The following SPEG variants were observed in gnomAD, a reference collection of about 807,000 sequenced individuals.
SPEG encodes the protein striated muscle preferentially expressed protein kinase.
In SPEG, 114 loss-of-function variants were observed where a neutral mutation model predicts 300.4. That is an observed-to-expected ratio of 0.38 (90% CI 0.33 to 0.44). SPEG has a LOEUF of 0.44. SPEG is among the 20% of genes least tolerant of loss of function. The pLI, the probability that SPEG is intolerant of heterozygous loss-of-function variation, is 1.00. For missense variants in SPEG, 4,201 were observed against 4,586.2 expected (o/e 0.92, Z 2.43); for synonymous variants, 1,964 against 2,018.9 (o/e 0.97, Z 0.73).
Position 219,482,858 on chromosome 2 carries a change from T to C in SPEG, c.5634+6T>C, listed in dbSNP as rs993362793. The C allele has an allele frequency of 6.2e-7, 1 of 1,613,170 alleles. No homozygotes were observed. The highest frequency in any genetic ancestry group is 1.3e-5 in the African/African-American group (1 of 74,896). ...TCTCCCGGCGGAGGTGGCAGGTAAG[T>C]GTGGCAGGCCAGCCTCTGTGCTTTC... On this transcript the variant is annotated splice_donor_region_variant and intron_variant, in intron 29 of 40. Coordinates refer to ENST00000312358, the MANE Select transcript of SPEG (RefSeq NM_005876.5).
intron 9 of SPEG, chr2:219,465,982 T>G: frequency 7.7e-7 from 1 of 1,294,014 alleles, no homozygotes; most frequent in Non-Finnish European, 1.1e-6. Flanking sequence ...TGTGTGCATG[T>G]GTGTGTGTGC....
Position 219,448,767 on chromosome 2 carries a change from T to A in SPEG, c.1609T>A (p.Ser537Thr), listed in dbSNP as rs1689512393. 1 of 1,450,186 alleles carries A rather than the reference T, an allele frequency of 6.9e-7. No individual in the cohort carries two copies. The allele number at this position is 1,450,186 out of a possible 1,614,324, so 89.8% of individuals were successfully genotyped here. The change falls in exon 4 of 41, where the codon TCT becomes ACT. Residue 537 changes from serine (S) to threonine (T), a missense_variant. Around this residue, in one of 4 missense-constraint regions of SPEG, gnomAD observed 1,258 missense variants for 1,293.9 expected, o/e 0.97. Transcript: ENST00000312358. ...PREPGEPPLF[S>T]RPSTPKTSRA... ...AGAGCCCGGCGAGCCCCCGCTCTTC[T>A]CTCGGCCCTCCACCCCCAAGACATC...
rs1277331427 is a variant in SPEG, at chr2:219,484,843, C to T, written c.7380C>T (p.Thr2460=). 5.9e-6 allele frequency: 9 copies of T among 1,518,864 alleles called. No homozygotes were observed. Among genetic ancestry groups the T allele is most frequent in the Non-Finnish European group, 7.9e-6 (9 of 1,141,278 alleles). 94.1% of individuals were successfully genotyped at this position (1,518,864 alleles called of 1,614,324 possible). Residue 2460 remains threonine (T), a synonymous_variant, in exon 30 of 41, where the codon ACC becomes ACT. Coordinates refer to ENST00000312358, the MANE Select transcript of SPEG (RefSeq NM_005876.5). The stretch of plus-strand genomic sequence containing the variant: ...CGATGCGCAGGCGGCTGAGCTTCAC[C>T]CTGGAGCGGCTGTCCAGCCGATTGC... ...VLAMRRRLSF[T]LERLSSRLQR...
Position 219,448,196 on chromosome 2 carries a change from G to A in SPEG, c.1038G>A (p.Glu346=), listed in dbSNP as rs1559369009. The A allele has an allele frequency of 6.2e-7, 1 of 1,612,306 alleles. No homozygotes were observed. The highest frequency in any genetic ancestry group is 8.5e-7 in the Non-Finnish European group (1 of 1,179,606). ...HRRTQEPVLP[E]DTTTEEKRGK... is the part of the protein sequence containing the mutation. ...GCACTCAGGAGCCTGTGCTGCCCGAGGACACCACCACCGAAGAGAAGCGAG... is the reference window on the plus strand; with the variant it reads ...GCACTCAGGAGCCTGTGCTGCCCGAAGACACCACCACCGAAGAGAAGCGAG... Residue 346 remains glutamate, a synonymous_variant, in exon 4 of 41, where the codon GAG becomes GAA. Coordinates refer to ENST00000312358, the MANE Select transcript of SPEG (RefSeq NM_005876.5).
Position 219,444,501 on chromosome 2 carries a change from G to T in SPEG, c.389-152G>T. The T allele has an allele frequency of 1.5e-6, 1 of 664,674 alleles. No homozygotes were observed. Among genetic ancestry groups the T allele is most frequent in the Non-Finnish European group, 2.7e-6 (1 of 375,538 alleles). The allele number at this position is 664,674 out of a possible 1,614,324, so 41.2% of individuals were successfully genotyped here. ...GGTTATCCTGAGCAGCCCAGGCTGG[G>T]CAGGGGATGTGGGGAGCAAAAGAGA... On this transcript the variant is annotated intron_variant, in intron 1 of 40. Coordinates refer to ENST00000312358, the MANE Select transcript of SPEG (RefSeq NM_005876.5). This position sits in a 1 kb window ranked among gnomAD's most constrained non-coding sequence, Gnocchi z 7.8.
In SPEG at chr2:219,492,930, G is replaced by A; in HGVS notation, c.*144G>A. ...CATCTGGCTGGGCTCTTACCTCATA[G>A]ACCTTCAAGGACAGAGACCCCAGGG... is the stretch of plus-strand genomic sequence containing the variant. On this transcript the variant is annotated 3_prime_UTR_variant, in exon 41 of 41. Transcript: ENST00000312358. 5.7e-6 allele frequency: 5 copies of A among 884,662 alleles called. No homozygotes were observed. The South Asian group carries it at 7.1e-5, about 13-fold the overall frequency. The allele number at this position is 884,662 out of a possible 1,614,324, so 54.8% of individuals were successfully genotyped here.
Position 219,478,071 on chromosome 2 carries a change from G to C in SPEG, c.4993G>C (p.Glu1665Gln). ...DCVLYFHEAF[E>Q]RRRGLVIVTE... ...TGTCCTCTACTTCCATGAGGCCTTC[G>C]AGAGGCGCCGGGGACTGGTCATTGT... is the stretch of plus-strand genomic sequence containing the variant. Residue 1665 changes from glutamate to glutamine, a missense_variant, in exon 22 of 41, where the codon GAG (glutamate) becomes CAG (glutamine). Physicochemically the swap from Glu to Gln is conservative, Grantham distance 29. Transcript: ENST00000312358. 1.2e-6 allele frequency: 2 copies of C among 1,614,198 alleles called. No individual in the cohort carries two copies. Among genetic ancestry groups the C allele is most frequent in the Non-Finnish European group, 1.7e-6 (2 of 1,180,022 alleles).
chr2:219,435,203 T>TGGTTCC lies in SPEG; in HGVS notation c.229_234dup (p.Phe77_Arg78dup). On this transcript the variant is annotated inframe_insertion, in exon 1 of 41. Coordinates refer to ENST00000312358, the MANE Select transcript of SPEG (RefSeq NM_005876.5). ...CGGGACGCCCCAGCCCAGCCTCCGC[T>TGGTTCC]GGTTCCGGGATGGGCAGCTCCTGCC... The TGGTTCC allele has an allele frequency of 6.7e-7, 1 of 1,482,250 alleles. No homozygotes were observed. The allele number at this position is 1,482,250 out of a possible 1,614,324, so 91.8% of individuals were successfully genotyped here. A position where few individuals can be genotyped will look rare whatever the true frequency, so the allele number is the denominator to read the frequency against.
In SPEG at chr2:219,484,674, G is replaced by C; in HGVS notation, c.7211G>C (p.Gly2404Ala). 6.6e-7 allele frequency: 1 copy of C among 1,521,810 alleles called. No homozygotes were observed. Among genetic ancestry groups the C allele is most frequent in the South Asian group, 1.2e-5 (1 of 83,068 alleles). 94.3% of individuals were successfully genotyped at this position (1,521,810 alleles called of 1,614,324 possible). A position where few individuals can be genotyped will look rare whatever the true frequency, so the allele number is the denominator to read the frequency against. ...VQDLRAVGEP[G>A]LVRRLSLSLS... ...GACCTCAGGGCTGTCGGAGAGCCTG[G>C]CCTCGTCCGCCGCCTCTCGCTGTCA... is the stretch of plus-strand genomic sequence containing the variant. Residue 2404 changes from glycine to alanine, a missense_variant, in exon 30 of 41, where the codon GGC (glycine) becomes GCC (alanine). By Grantham distance (60) the Gly-to-Ala change is moderately conservative. This residue lies in a region of SPEG where 1,578 missense variants were observed against 1,506.0 expected (regional missense o/e 1.05). Transcript: ENST00000312358.
intron 4 of SPEG, 45 bp downstream of exon 4, chr2:219,449,316 G>A: frequency 7.5e-7 from 1 of 1,340,922 alleles, no homozygotes; most frequent in Non-Finnish European, 9.6e-7. Context: ...ACCCCCGTCG[G>A]GGGGCGTTTG....
At chr2:219,461,749 TG>T in intron 6 of SPEG, 132 bp from the exon 7 acceptor site, 1 of 1,021,260 alleles carries the variant, frequency 9.8e-7, no homozygotes. Context: ...CGCAGGAGCC[TG>T]GGGGTGAAGT....
At chr2:219,456,295 C>A (rs1690174509) in intron 6 of SPEG, among the ~76,000 whole-genome samples, 1 of 152,258 alleles carries the variant, frequency 6.6e-6, no homozygotes, top group Admixed American at 6.5e-5. Flanking sequence ...CTCTGGCCAC[C>A]TGTGGCATAG....
intron 1 of SPEG, among the ~76,000 whole-genome samples, chr2:219,437,535 G>A (rs1008325875): frequency 6.6e-6 from 1 of 152,194 alleles, no homozygotes; most frequent in Non-Finnish European, 1.5e-5. Flanking sequence ...TGGATCAGGG[G>A]CCCTTTGACA....
intron 6 of SPEG, chr2:219,460,561 G>A (rs1323870674): frequency 1.0e-6 from 1 of 985,358 alleles, no homozygotes; most frequent in Non-Finnish European, 1.2e-6. Context: ...CGCAGAGCGG[G>A]CTTTGCTCTT....
At chr2:219,457,958 G>A (rs1690320786) in intron 6 of SPEG, among the ~76,000 whole-genome samples, 3 of 151,996 alleles carry the variant, frequency 2.0e-5, no homozygotes, top group South Asian at 2.1e-4. Flanking sequence ...GTCATCTCCC[G>A]CCTTCTATAC....
In SPEG at chr2:219,489,146, G is replaced by A. The variant is rs1469752776; in HGVS notation, c.8242G>A (p.Val2748Met). 2 of 1,613,860 alleles carry A rather than the reference G, an allele frequency of 1.2e-6. No individual in the cohort carries two copies. ...LPVGVTVRFR[V>M]ACANRAGQGP... Reference sequence around the variant, plus strand: ...AGTTGGCGTGACTGTGAGGTTCCGTGTGGCCTGTGCCAACCGTGCTGGGCA... The same window carrying A: ...AGTTGGCGTGACTGTGAGGTTCCGTATGGCCTGTGCCAACCGTGCTGGGCA... The change falls in exon 35 of 41, where the codon GTG becomes ATG. Residue 2748 changes from valine (V) to methionine (M), a missense_variant. By Grantham distance (21) the Val-to-Met change is conservative. Around this residue, in one of 4 missense-constraint regions of SPEG, gnomAD observed 1,578 missense variants for 1,506.0 expected, o/e 1.05. Transcript: ENST00000312358.
In SPEG at chr2:219,484,010, G is replaced by GC; in HGVS notation, c.6552dup (p.Lys2185GlnfsTer6). The GC allele has an allele frequency of 6.2e-7, 1 of 1,612,634 alleles. No individual in the cohort carries two copies. Among genetic ancestry groups the GC allele is most frequent in the Non-Finnish European group, 8.5e-7 (1 of 1,179,762 alleles). On this transcript the variant is annotated frameshift_variant, in exon 30 of 41. Coordinates refer to ENST00000312358, the MANE Select transcript of SPEG (RefSeq NM_005876.5). LOFTEE classifies it high-confidence loss of function. ...GCCATCCAGCCCTGCACGGCCCAGC[G>GC]CCCCCAAACCCAGTACCCCTAAGTC...
In SPEG at chr2:219,483,327, C is replaced by A; in HGVS notation, c.5864C>A (p.Thr1955Asn). The A allele has an allele frequency of 6.2e-7, 1 of 1,606,312 alleles. No individual in the cohort carries two copies. The highest frequency in any genetic ancestry group is 8.5e-7 in the Non-Finnish European group (1 of 1,176,558). Residue 1955 changes from threonine (T) to asparagine (N), a missense_variant, in exon 30 of 41, where the codon ACT becomes AAT. This residue lies in a region of SPEG where 1,578 missense variants were observed against 1,506.0 expected (regional missense o/e 1.05). Transcript: ENST00000312358. ...CGGGTGTCCCTCACAGACATTCCCACTGAGGATGAGGCCCTGGGGACCCCA... is the reference window on the plus strand; with the variant it reads ...CGGGTGTCCCTCACAGACATTCCCAATGAGGATGAGGCCCTGGGGACCCCA... Reference protein sequence around the residue: ...GSRVSLTDIPTEDEALGTPET... With the variant: ...GSRVSLTDIPNEDEALGTPET...
intron 4 of SPEG, 88 bp downstream of exon 4, chr2:219,449,359 G>T (rs184230888): frequency 8.8e-7 from 1 of 1,134,816 alleles, no homozygotes; most frequent in Non-Finnish European, 1.1e-6. Context: ...GGAGCCGGGG[G>T]GTCGGGGGTT....
Sources: allele counts gnomAD v4.1 joint callset (sites outside exome capture counted in the v4.1 genomes callset), GRCh38; gene constraint gnomAD v4.1.1; regional missense constraint gnomAD v4.1.1; non-coding constraint Gnocchi (gnomAD v3.1); transcripts MANE v1.5; gene names NCBI Gene and HGNC (gene_info 2026-07-23, HGNC 2026-07-21).